IFT57: variants seen among roughly 807,000 people sequenced by gnomAD.
IFT57 encodes intraflagellar transport protein 57 homolog.
In IFT57, 59 loss-of-function variants were observed where a neutral mutation model predicts 56.8. The ratio of observed to expected loss-of-function variants is 1.04; its 90% CI spans 0.84 to 1.29. The LOEUF is 1.29. Ranked by LOEUF, IFT57 falls within the 50% of genes most tolerant of loss-of-function variation. The probability of loss-of-function intolerance (pLI) is 0.00; values close to 1 mark genes in which losing one functional copy is unlikely to be tolerated. For missense variants in IFT57, 470 were observed against 522.1 expected, an observed-to-expected ratio of 0.90 and a Z score of 0.97; for synonymous variants, 209 against 186.1, an observed-to-expected ratio of 1.12 and a Z score of -1.00.
chr3:108,213,310 A>G (rs75856459), intron 4 of IFT57, among the ~76,000 whole-genome samples: 13,868 of 151,974 alleles, frequency 0.091, 692 homozygotes, highest in Middle Eastern at 0.12. Flanking sequence ...TTTTTCCCCC[A>G]ACCATTTCTG....
chr3:108,166,284 C>G (rs16844860), intron 8 of IFT57, among the ~76,000 whole-genome samples: 3 of 152,008 alleles, frequency 2.0e-5, no homozygotes, highest in African/African-American at 7.2e-5. Flanking sequence ...GCTTTTAGAT[C>G]CCTACTGCTG....
At chr3:108,192,537 G>A (rs1289732) in intron 5 of IFT57, among the ~76,000 whole-genome samples, 133,153 of 152,034 alleles carry the variant, frequency 0.88, 59,359 homozygotes, top group Non-Finnish European at 0.97. Flanking sequence ...CTGAAAATAT[G>A]AATAATGTAG....
chr3:108,197,065 A>G lies in IFT57; in HGVS notation c.655-5422T>C, dbSNP rs191462986. ...CATTTAATCAAAATTTTATATCATC[A>G]TGACAAAGTCCCTCTCTAACACATT... On this transcript the variant is annotated intron_variant, in intron 5 of 10. Transcript: ENST00000264538. Among the ~76,000 whole-genome samples the G allele has an allele frequency of 1.1e-3, 168 of 152,304 alleles. 1 individual carries two copies. Among genetic ancestry groups the G allele is most frequent in the African/African-American group, 4.0e-3 (166 of 41,568 alleles).
chr3:108,173,958 G>A (rs1238697734), intron 6 of IFT57, among the ~76,000 whole-genome samples: 1 of 142,698 alleles, frequency 7.0e-6, no homozygotes, highest in East Asian at 2.2e-4. Context: ...TTTTCATTAG[G>A]TGTCCTATTT....
intron 6 of IFT57, among the ~76,000 whole-genome samples, chr3:108,171,958 T>TACAA: frequency 6.6e-6 from 1 of 151,714 alleles, no homozygotes; most frequent in Admixed American, 6.6e-5. Flanking sequence ...AATGCATACA[T>TACAA]ACATACATAT....
chr3:108,221,491 C>T (rs1279500391), intron 1 of IFT57, among the ~76,000 whole-genome samples: 1 of 152,158 alleles, frequency 6.6e-6, no homozygotes, highest in Non-Finnish European at 1.5e-5. Flanking sequence ...CAATAGTTGT[C>T]ATTCGTCTTT....
At position 108,193,491 on chromosome 3, in the gene IFT57, T is replaced by C. The variant is rs1576041061; in HGVS notation, c.655-1848A>G. Reference sequence around the variant, plus strand: ...GTGGTCTGAATGTATTCAGTTACATTCCATTTAGAAAACCAGAAGTATAAA... The same window carrying C: ...GTGGTCTGAATGTATTCAGTTACATCCCATTTAGAAAACCAGAAGTATAAA... On this transcript the variant is annotated intron_variant, in intron 5 of 10. Transcript: ENST00000264538. 2.6e-5 allele frequency among the ~76,000 whole-genome samples: 4 copies of C among 152,264 alleles called. No individual in the cohort carries two copies. The East Asian group carries it at 7.7e-4, about 29-fold the overall frequency.
intron 8 of IFT57, among the ~76,000 whole-genome samples, 188 bp downstream of exon 8, chr3:108,166,666 C>A (rs566510874): frequency 3.3e-5 from 5 of 152,158 alleles, no homozygotes; most frequent in African/African-American, 1.2e-4. Context: ...CAGGAGAAAA[C>A]AACTTCTATT....
chr3:108,184,155 C>G (rs1337934187), intron 6 of IFT57, among the ~76,000 whole-genome samples: 3 of 152,082 alleles, frequency 2.0e-5, no homozygotes, highest in Admixed American at 6.6e-5. Context: ...CGAGGCATTG[C>G]TAAAGTGGCA....
intron 6 of IFT57, among the ~76,000 whole-genome samples, chr3:108,169,356 G>C (rs972579117): frequency 2.2e-4 from 33 of 150,610 alleles, no homozygotes; most frequent in African/African-American, 8.1e-4. Context: ...CTTGTAATTT[G>C]TCTAAGTTCC....
intron 3 of IFT57, among the ~76,000 whole-genome samples, chr3:108,215,055 TAGGTAATAAGA>T (rs1163028710): frequency 2.0e-5 from 3 of 152,196 alleles, no homozygotes; most frequent in Admixed American, 2.0e-4. Flanking sequence ...TATTTTAACA[TAGGTAATAAGA>T]AGGAGTCCAG....
intron 5 of IFT57, among the ~76,000 whole-genome samples, chr3:108,198,191 A>T (rs1282855851): frequency 1.3e-5 from 2 of 152,218 alleles, no homozygotes; most frequent in African/African-American, 4.8e-5. Flanking sequence ...ACTCTAGAGC[A>T]CAAGCTCTAA....
chr3:108,211,032 T>A (rs1418193467), intron 4 of IFT57, among the ~76,000 whole-genome samples: 1 of 152,372 alleles, frequency 6.6e-6, no homozygotes, highest in African/African-American at 2.4e-5. Flanking sequence ...TACAACGATG[T>A]GCCGATAGTT....
At chr3:108,187,627 C>A (rs1389085639) in intron 6 of IFT57, among the ~76,000 whole-genome samples, 1 of 149,446 alleles carries the variant, frequency 6.7e-6, no homozygotes, top group Non-Finnish European at 1.5e-5. Context: ...TACTATGGCT[C>A]AGAAGGGTGC....
At position 108,167,789 on chromosome 3, in the gene IFT57, A is replaced by G. The variant is rs759810310; in HGVS notation, c.849+4T>C. 2 of 1,548,356 alleles carry G rather than the reference A, an allele frequency of 1.3e-6. No homozygotes were observed. The highest frequency in any genetic ancestry group is 2.4e-5 in the East Asian group (1 of 42,080). On this transcript the variant is annotated splice_donor_region_variant and intron_variant, in intron 7 of 10. Transcript: ENST00000264538. ...CATTGATTCACGTAAAGTAATTCAT[A>G]TACCTTGGTCTCCTTTAGAGCAGAT...
chr3:108,162,807 G>T, intron 10 of IFT57, 152 bp from the exon 11 acceptor site: 1 of 571,236 alleles, frequency 1.8e-6, no homozygotes, highest in South Asian at 3.5e-5. Flanking sequence ...GTTTTGCTGT[G>T]GCATTTTAAG....
chr3:108,166,994 T>C lies in IFT57; in HGVS notation c.850-9A>G. The C allele has an allele frequency of 3.1e-6, 5 of 1,603,928 alleles. No individual in the cohort carries two copies. The highest frequency in any genetic ancestry group is 4.3e-6 in the Non-Finnish European group (5 of 1,175,366). On this transcript the variant is annotated splice_polypyrimidine_tract_variant and intron_variant, in intron 7 of 10. Transcript: ENST00000264538. ...AGTTTGTCCAAAAATCCCTAGAAAT[T>C]CCATGGAATTTGCAGATAGAAGAAC...
rs201705062 is a variant in IFT57 at position 108,206,170 on chromosome 3, AGATTT to A, written c.654+453_654+457del. On this transcript the variant is annotated intron_variant, in intron 5 of 10. Transcript: ENST00000264538. ...CATTGTATATGTACTTTTATAGATTAGATTTATTTCATAATTAAAACAGACTTAAA... is the reference window on the plus strand; with the variant it reads ...CATTGTATATGTACTTTTATAGATTAATTTCATAATTAAAACAGACTTAAA... Among the ~76,000 whole-genome samples, 830 of 146,386 alleles carry A rather than the reference AGATTT, an allele frequency of 5.7e-3. 8 individuals carry two copies. The highest frequency in any genetic ancestry group is 0.011 in the Middle Eastern group (3 of 274).
At chr3:108,192,622 A>G (rs2080222590) in intron 5 of IFT57, among the ~76,000 whole-genome samples, 1 of 152,100 alleles carries the variant, frequency 6.6e-6, no homozygotes, top group Admixed American at 6.5e-5. Context: ...TTAATAAATT[A>G]TAAGTAAATC....
Sources: allele counts gnomAD v4.1 joint callset (sites outside exome capture counted in the v4.1 genomes callset), GRCh38; gene constraint gnomAD v4.1.1; transcripts MANE v1.5; gene names NCBI Gene and HGNC (gene_info 2026-07-23, HGNC 2026-07-21).